DMD: variants seen among roughly 807,000 people sequenced by gnomAD.
The protein encoded by DMD is dystrophin, also known as mutant dystrophin.
In DMD, 63 loss-of-function variants were observed where a neutral mutation model predicts 330.1. That is an observed-to-expected ratio of 0.19 (90% CI 0.16 to 0.24). The LOEUF (loss-of-function observed/expected upper bound fraction) is 0.24, where lower values mean the gene tolerates loss of function less well. DMD is among the 10% of genes least tolerant of loss of function. DMD has a pLI of 1.00. For missense variants in DMD, 3,344 were observed against 2,684.1 expected (o/e 1.25, Z -5.43); for synonymous variants, 1,223 against 959.8 (o/e 1.27, Z -5.07).
chrX:31,869,898 T>C (rs186492400), intron 48 of DMD, among the ~76,000 whole-genome samples: 277 of 111,680 alleles, frequency 2.5e-3, no homozygotes, highest in Non-Finnish European at 4.4e-3. Flanking sequence ...AGGAATCTTT[T>C]TGACTTGCTG....
At chrX:31,873,045 C>T (rs776023449) in intron 48 of DMD, among the ~76,000 whole-genome samples, 2 of 111,422 alleles carry the variant, frequency 1.8e-5, no homozygotes, top group South Asian at 3.8e-4. Flanking sequence ...TCAGAAGCCA[C>T]GTCTTGGTAT....
chrX:32,656,499 T>G, intron 9 of DMD, among the ~76,000 whole-genome samples: 1 of 112,323 alleles, frequency 8.9e-6, no homozygotes. Context: ...AGCAATCTCA[T>G]ATACTGATAT....
intron 1 of DMD, among the ~76,000 whole-genome samples, chrX:33,287,013 G>T (rs2053443482): frequency 8.9e-6 from 1 of 111,973 alleles, no homozygotes; most frequent in African/African-American, 3.2e-5. Flanking sequence ...ATCGTCACAT[G>T]CAGGAAAGCA....
At chrX:32,088,677 AGTGT>A (rs34596391) in intron 44 of DMD, among the ~76,000 whole-genome samples, 23,980 of 97,140 alleles carry the variant, frequency 0.25, 2,372 homozygotes, top group Admixed American at 0.37. Context: ...ATAGCTCTGA[AGTGT>A]GTGTGTGTGT....
intron 7 of DMD, among the ~76,000 whole-genome samples, chrX:32,800,675 G>T (rs983446668): frequency 1.2e-4 from 13 of 110,545 alleles, no homozygotes; most frequent in Non-Finnish European, 2.5e-4. Context: ...TCTATGTTAG[G>T]TATTTCCCCT....
intron 7 of DMD, among the ~76,000 whole-genome samples, chrX:32,787,213 A>AGAGT (rs1302193596): frequency 1.2e-5 from 1 of 83,379 alleles, no homozygotes; most frequent in Admixed American, 1.4e-4. Flanking sequence ...CTCTCTGTCA[A>AGAGT]GTGTGTGTGT....
At chrX:33,292,354 T>C (rs1274000834) in intron 1 of DMD, among the ~76,000 whole-genome samples, 18 of 112,069 alleles carry the variant, frequency 1.6e-4, no homozygotes, top group Admixed American at 1.4e-3. Context: ...ATGAATATCA[T>C]GTTTTATAAA....
At chrX:31,841,480 G>T (rs895368191) in intron 48 of DMD, among the ~76,000 whole-genome samples, 2 of 112,298 alleles carry the variant, frequency 1.8e-5, no homozygotes, top group Admixed American at 9.5e-5. Flanking sequence ...GATTTTCAGT[G>T]TAGATGAAGC....
At chrX:32,282,638 T>C (rs956381028) in intron 43 of DMD, among the ~76,000 whole-genome samples, 4 of 112,217 alleles carry the variant, frequency 3.6e-5, no homozygotes, top group Non-Finnish European at 5.6e-5. Flanking sequence ...AGATAATGAA[T>C]GAGCAGTCAT....
At chrX:32,155,331 C>A (rs2096825381) in intron 44 of DMD, 13 of 685,104 alleles carry the variant, frequency 1.9e-5, no homozygotes, top group Non-Finnish European at 2.1e-5. Context: ...AGATGTCTTC[C>A]AGCTTTTAGG....
intron 17 of DMD, among the ~76,000 whole-genome samples, chrX:32,541,014 G>T (rs774738930): frequency 1.5e-4 from 17 of 111,410 alleles, no homozygotes; most frequent in African/African-American, 5.2e-4. Flanking sequence ...ATATGGCTCA[G>T]GTTATGGACT....
intron 2 of DMD, among the ~76,000 whole-genome samples, chrX:32,960,713 A>G (rs1352769793): frequency 9.0e-6 from 1 of 111,119 alleles, no homozygotes; most frequent in Non-Finnish European, 1.9e-5. Flanking sequence ...ATAATAGTGT[A>G]TTACTGATTA....
At chrX:31,215,821 C>A (rs1487796440) in intron 64 of DMD, among the ~76,000 whole-genome samples, 1 of 112,421 alleles carries the variant, frequency 8.9e-6, no homozygotes, top group African/African-American at 3.2e-5. Flanking sequence ...CAGCTTGAAT[C>A]AGTGACAGAT....
intron 11 of DMD, among the ~76,000 whole-genome samples, chrX:32,621,627 G>T (rs2058000603): frequency 9.1e-6 from 1 of 110,375 alleles, no homozygotes. Context: ...ACCCAGCCAG[G>T]TGTTTTCTCT....
intron 1 of DMD, among the ~76,000 whole-genome samples, chrX:33,308,355 T>C (rs923381650): frequency 8.9e-6 from 1 of 112,449 alleles, no homozygotes; most frequent in African/African-American, 3.2e-5. Flanking sequence ...TTTGGAAATA[T>C]TTTGAGATTT....
chrX:32,504,422 G>A (rs751276118), intron 18 of DMD, among the ~76,000 whole-genome samples: 8 of 110,709 alleles, frequency 7.2e-5, no homozygotes, highest in African/African-American at 2.3e-4. Context: ...TCGGGAGTTC[G>A]AGACCAGCCT....
chrX:32,756,534 A>G (rs756490558), intron 7 of DMD: 1 of 111,725 alleles, frequency 9.0e-6, no homozygotes, highest in Non-Finnish European at 1.9e-5. Flanking sequence ...TGATGTCAAT[A>G]TTATATGTCT....
At chrX:33,271,892 T>C (rs112750527) in intron 1 of DMD, among the ~76,000 whole-genome samples, 3,478 of 111,085 alleles carry the variant, frequency 0.031, 134 homozygotes, top group African/African-American at 0.11. Flanking sequence ...TTTTCATTTT[T>C]ATTTTTTTTG....
chrX:32,729,305 G>A (rs2067252142), intron 7 of DMD, among the ~76,000 whole-genome samples: 2 of 111,793 alleles, frequency 1.8e-5, no homozygotes, highest in African/African-American at 6.5e-5. Context: ...TTTGGATAAG[G>A]GATACTCAAC....
Sources: allele counts gnomAD v4.1 joint callset (sites outside exome capture counted in the v4.1 genomes callset), GRCh38; gene constraint gnomAD v4.1.1; transcripts MANE v1.5; gene names NCBI Gene and HGNC (gene_info 2026-07-23, HGNC 2026-07-21).